TENM4: variants seen among roughly 807,000 people sequenced by gnomAD.
TENM4 encodes teneurin transmembrane protein 4.
Under a neutral mutation model 243.3 loss-of-function variants are expected in TENM4, and 82 were observed. That is an observed-to-expected ratio of 0.34 (90% CI 0.28 to 0.40). The LOEUF (loss-of-function observed/expected upper bound fraction) is 0.40, where lower values mean the gene tolerates loss of function less well. Ranked by LOEUF, TENM4 falls within the 10% of genes least tolerant of loss-of-function variation. TENM4 has a pLI of 1.00. For synonymous variants in TENM4, 1,412 were observed against 1,456.3 expected, an observed-to-expected ratio of 0.97 and a Z score of 0.69; for missense variants, 3,138 against 3,673.3, an observed-to-expected ratio of 0.85 and a Z score of 3.77.
At chr11:79,398,042 G>T (rs1360472991) in intron 1 of TENM4, among the ~76,000 whole-genome samples, 1 of 152,160 alleles carries the variant, frequency 6.6e-6, no homozygotes, top group African/African-American at 2.4e-5. Flanking sequence ...TTAAATGAAT[G>T]AATTTACATA....
At chr11:78,847,882 G>A (rs1488860007) in intron 12 of TENM4, among the ~76,000 whole-genome samples, 1 of 152,154 alleles carries the variant, frequency 6.6e-6, no homozygotes, top group Non-Finnish European at 1.5e-5. Flanking sequence ...TATAATGTCA[G>A]AGATTTTTCT....
intron 29 of TENM4, among the ~76,000 whole-genome samples, chr11:78,677,747 T>C (rs1392881080): frequency 6.6e-6 from 1 of 152,110 alleles, no homozygotes; most frequent in Non-Finnish European, 1.5e-5. Context: ...AATTTTAAAT[T>C]TGATTTAAAA....
At chr11:79,398,823 C>T (rs531396383) in intron 1 of TENM4, among the ~76,000 whole-genome samples, 2 of 147,102 alleles carry the variant, frequency 1.4e-5, no homozygotes, top group East Asian at 4.0e-4. Context: ...ATGCTGGGGG[C>T]CCAAGTAGAG....
chr11:79,010,345 T>A lies in TENM4; in HGVS notation c.493+54393A>T, dbSNP rs372676649. On this transcript the variant is annotated intron_variant, in intron 6 of 33. Coordinates refer to ENST00000278550, the MANE Select transcript of TENM4 (RefSeq NM_001098816.3). ...GGGGCAGTGTAAGTACTCTGAGGAA[T>A]ACAGAGTAAGTACTTTGGGCCACTG... Among the ~76,000 whole-genome samples the A allele has an allele frequency of 2.6e-4, 39 of 152,226 alleles. No homozygotes were observed. The South Asian group carries it at 7.5e-3, about 29-fold the overall frequency.
chr11:78,820,515 AG>A (rs1490757943), intron 12 of TENM4, among the ~76,000 whole-genome samples: 1 of 152,224 alleles, frequency 6.6e-6, no homozygotes, highest in Non-Finnish European at 1.5e-5. Flanking sequence ...GTTATTTTGA[AG>A]ACCAAATAGG....
At chr11:78,943,317 T>G (rs1421234212) in intron 6 of TENM4, among the ~76,000 whole-genome samples, 1 of 152,186 alleles carries the variant, frequency 6.6e-6, no homozygotes, top group Non-Finnish European at 1.5e-5. Flanking sequence ...AGAAGGATCT[T>G]GACTCTTGGA....
chr11:79,124,582 ACCCTTAT>A (rs959499158), intron 4 of TENM4, among the ~76,000 whole-genome samples: 4 of 148,620 alleles, frequency 2.7e-5, no homozygotes, highest in African/African-American at 1.0e-4. Flanking sequence ...TTAATAGACT[ACCCTTAT>A]CATATATATA....
Position 78,656,615 on chromosome 11 carries a change from C to A in TENM4, c.*1443G>T, listed in dbSNP as rs768899276. On this transcript the variant is annotated 3_prime_UTR_variant, in exon 34 of 34. Coordinates refer to ENST00000278550, the MANE Select transcript of TENM4 (RefSeq NM_001098816.3). ...CTGACGACACAGGCACAGTTCTTCACAGGAATCATGCCAGCCTGGCCTCCC... is the reference window on the plus strand; with the variant it reads ...CTGACGACACAGGCACAGTTCTTCAAAGGAATCATGCCAGCCTGGCCTCCC... 5.4e-4 allele frequency: 85 copies of A among 156,456 alleles called. 1 individual carries two copies. The highest frequency in any genetic ancestry group is 2.8e-3 in the Admixed American group (43 of 15,378). The allele number at this position is 156,456 out of a possible 1,614,324, so 9.7% of individuals were successfully genotyped here.
chr11:79,277,451 A>C (rs1171378993), intron 2 of TENM4, among the ~76,000 whole-genome samples: 1 of 152,214 alleles, frequency 6.6e-6, no homozygotes, highest in Admixed American at 6.5e-5. Flanking sequence ...AAGAAGTGAA[A>C]GTAACTTGCC....
intron 24 of TENM4, among the ~76,000 whole-genome samples, chr11:78,722,076 T>C (rs889850276): frequency 5.3e-5 from 8 of 152,154 alleles, no homozygotes; most frequent in African/African-American, 1.7e-4. Context: ...GTTTTCTCGA[T>C]ATTGGTCAGT....
intron 19 of TENM4, among the ~76,000 whole-genome samples, chr11:78,741,323 A>T (rs531690206): frequency 6.2e-4 from 94 of 152,244 alleles, no homozygotes; most frequent in African/African-American, 2.2e-3. Flanking sequence ...AAAAAAAAGA[A>T]ACAAAAAGAA....
chr11:79,366,339 A>C (rs924221793), intron 1 of TENM4, among the ~76,000 whole-genome samples: 3 of 152,208 alleles, frequency 2.0e-5, no homozygotes, highest in Admixed American at 6.5e-5. Context: ...CTTGGAATAA[A>C]CTTTACTATG....
At chr11:79,305,708 A>G (rs1454718364) in intron 1 of TENM4, among the ~76,000 whole-genome samples, 1 of 152,226 alleles carries the variant, frequency 6.6e-6, no homozygotes, top group Non-Finnish European at 1.5e-5. Context: ...AGCTGGGTAA[A>G]GAGAAGGCCA....
chr11:78,998,720 G>A (rs1490704388), intron 6 of TENM4, among the ~76,000 whole-genome samples: 2 of 152,188 alleles, frequency 1.3e-5, no homozygotes, highest in African/African-American at 2.4e-5. Context: ...AGCAGCTGAT[G>A]CCCATGGCTG....
chr11:78,854,095 C>T lies in TENM4; in HGVS notation c.1681+9G>A, dbSNP rs1305985364. The T allele has an allele frequency of 1.3e-6, 2 of 1,550,402 alleles. No homozygotes were observed. Among genetic ancestry groups the T allele is most frequent in the African/African-American group, 2.7e-5 (2 of 73,046 alleles). ...ATCCCACAGCCCCCAGAGGGTGTGG[C>T]TCCCTTACCAATGGCAGTGGTGAGA... is the stretch of plus-strand genomic sequence containing the variant. On this transcript the variant is annotated intron_variant, in intron 12 of 33. Transcript: ENST00000278550.
chr11:79,169,771 T>C (rs1862997861), intron 3 of TENM4, among the ~76,000 whole-genome samples: 1 of 152,202 alleles, frequency 6.6e-6, no homozygotes. Context: ...ATGCACAGGT[T>C]GAAAAGCCAA....
intron 3 of TENM4, among the ~76,000 whole-genome samples, chr11:79,209,540 A>G (rs1286391194): frequency 6.6e-6 from 1 of 152,202 alleles, no homozygotes; most frequent in Non-Finnish European, 1.5e-5. Context: ...AGGAATAGTA[A>G]TGAAGCTAAC....
chr11:79,137,090 A>G (rs1376670632), intron 4 of TENM4, among the ~76,000 whole-genome samples: 1 of 152,028 alleles, frequency 6.6e-6, no homozygotes, highest in African/African-American at 2.4e-5. Context: ...ACTGGCAAAA[A>G]TTTTACTTCC....
chr11:78,838,898 C>G (rs1858185170), intron 12 of TENM4, among the ~76,000 whole-genome samples: 1 of 152,188 alleles, frequency 6.6e-6, no homozygotes, highest in Non-Finnish European at 1.5e-5. Flanking sequence ...TGCCACTTTG[C>G]AGACTCGGGT....
Sources: gnomAD v4.1 joint callset for allele counts (sites outside exome capture counted in the v4.1 genomes callset) on GRCh38, gnomAD v4.1.1 for gene constraint, MANE v1.5 for transcripts, NCBI Gene and HGNC (gene_info 2026-07-23, HGNC 2026-07-21) for gene names.